RAD54B: variants seen among roughly 807,000 people sequenced by gnomAD.
RAD54B encodes the protein DNA repair and recombination protein RAD54B.
Under a neutral mutation model 95.8 loss-of-function variants are expected in RAD54B, and 78 were observed. The observed-to-expected ratio is 0.81, with a 90% CI of 0.68 to 0.98. The LOEUF (loss-of-function observed/expected upper bound fraction) is 0.98, where lower values mean the gene tolerates loss of function less well. RAD54B is among the 50% of genes least tolerant of loss of function. The pLI, the probability that RAD54B is intolerant of heterozygous loss-of-function variation, is 0.00. For missense variants in RAD54B, 957 were observed against 1,056.6 expected, an observed-to-expected ratio of 0.91 and a Z score of 1.31; for synonymous variants, 328 against 354.9, an observed-to-expected ratio of 0.92 and a Z score of 0.85.
At chr8:94,463,893 C>CAAAAAAAAAAAAAAA (rs553168595) in intron 2 of RAD54B, among the ~76,000 whole-genome samples, 9 of 90,938 alleles carry the variant, frequency 9.9e-5, no homozygotes, top group Non-Finnish European at 1.3e-4. Flanking sequence ...GACCCTATCT[C>CAAAAAAAAAAAAAAA]AAAAAAAAAA....
At chr8:94,418,820 T>C (rs1014128178) in intron 3 of RAD54B, among the ~76,000 whole-genome samples, 1 of 152,200 alleles carries the variant, frequency 6.6e-6, no homozygotes, top group African/African-American at 2.4e-5. Flanking sequence ...TTATATAGGA[T>C]AGTGACAGAC....
intron 14 of RAD54B, among the ~76,000 whole-genome samples, chr8:94,374,363 A>T (rs1810516372): frequency 6.6e-6 from 1 of 151,918 alleles, no homozygotes; most frequent in African/African-American, 2.4e-5. Context: ...TAACCAAAAA[A>T]CCTCTGGCTA....
intron 3 of RAD54B, among the ~76,000 whole-genome samples, chr8:94,427,201 T>C (rs1013644952): frequency 6.6e-6 from 1 of 152,106 alleles, no homozygotes; most frequent in Admixed American, 6.5e-5. Context: ...TATATCCTTT[T>C]AGTTTAAGTT....
At chr8:94,381,129 A>T (rs1326179271) in intron 11 of RAD54B, among the ~76,000 whole-genome samples, 2 of 46,440 alleles carry the variant, frequency 4.3e-5, no homozygotes, top group Non-Finnish European at 1.7e-4. Context: ...CTGTCTTTTA[A>T]AAAAAAAAAT....
chr8:94,465,411 G>C (rs62525072), intron 2 of RAD54B, among the ~76,000 whole-genome samples: 1 of 152,142 alleles, frequency 6.6e-6, no homozygotes, highest in African/African-American at 2.4e-5. Context: ...AAGATGCTCA[G>C]CATTGCTAGT....
At chr8:94,420,211 T>C (rs1385422036) in intron 3 of RAD54B, among the ~76,000 whole-genome samples, 1 of 151,618 alleles carries the variant, frequency 6.6e-6, no homozygotes, top group Non-Finnish European at 1.5e-5. Context: ...TCTAAATCAA[T>C]ATATCGACAT....
At chr8:94,467,791 A>C (rs1586044630) in intron 1 of RAD54B, 1 of 322,032 alleles carries the variant, frequency 3.1e-6, no homozygotes, top group African/African-American at 2.1e-5. Context: ...GTAATAGCTT[A>C]AAATAATGGT....
chr8:94,449,639 C>G (rs953382663), intron 3 of RAD54B, among the ~76,000 whole-genome samples: 8 of 151,018 alleles, frequency 5.3e-5, no homozygotes, highest in Admixed American at 4.0e-4. Flanking sequence ...AGGAAATGGT[C>G]TATACTCTGG....
chr8:94,431,485 T>C (rs1009344891), intron 3 of RAD54B: 11 of 981,860 alleles, frequency 1.1e-5, no homozygotes, highest in Non-Finnish European at 1.3e-5. Context: ...GGATATTTAC[T>C]TCTATCGAAT....
intron 8 of RAD54B, among the ~76,000 whole-genome samples, 164 bp downstream of exon 8, chr8:94,399,250 T>C (rs574354178): frequency 1.3e-5 from 2 of 152,290 alleles, no homozygotes; most frequent in South Asian, 4.1e-4. Flanking sequence ...AAATTACACA[T>C]GGATTTGAAG....
At chr8:94,384,151 A>T (rs796206849) in intron 11 of RAD54B, among the ~76,000 whole-genome samples, 18 of 151,504 alleles carry the variant, frequency 1.2e-4, no homozygotes, top group African/African-American at 2.9e-4. Context: ...TCTATAAATT[A>T]AAAAAAAAGA....
chr8:94,434,391 A>G (rs1009176478), intron 3 of RAD54B, among the ~76,000 whole-genome samples: 3 of 151,936 alleles, frequency 2.0e-5, no homozygotes, highest in African/African-American at 7.2e-5. Context: ...ACAGAGAAGG[A>G]CTTGAGAATC....
At chr8:94,467,641 G>C in intron 1 of RAD54B, 86 bp from the exon 2 acceptor site, 1 of 1,370,526 alleles carries the variant, frequency 7.3e-7, no homozygotes, top group Non-Finnish European at 9.8e-7. Flanking sequence ...CTACAACTAA[G>C]ATGGAACAGA....
chr8:94,466,144 T>C lies in RAD54B; in HGVS notation c.135+1261A>G, dbSNP rs530323504. ...TGCCACTTAATTGTACACTTAAAAA[T>C]GGTAATGTGGCAAATTTTATGTTAC... On this transcript the variant is annotated intron_variant, in intron 2 of 14. Transcript: ENST00000336148. 5.9e-5 allele frequency among the ~76,000 whole-genome samples: 9 copies of C among 152,234 alleles called. No individual in the cohort carries two copies. In the East Asian group the frequency reaches 1.7e-3, roughly 29 times the overall value.
chr8:94,376,894 ATTTATG>A (rs983773586), intron 14 of RAD54B, among the ~76,000 whole-genome samples: 1 of 151,732 alleles, frequency 6.6e-6, no homozygotes, highest in African/African-American at 2.4e-5. Context: ...TATAAAATAT[ATTTATG>A]TTTATATAAA....
chr8:94,397,709 T>C (rs1319626892), intron 8 of RAD54B, among the ~76,000 whole-genome samples: 2 of 152,158 alleles, frequency 1.3e-5, no homozygotes, highest in African/African-American at 4.8e-5. Flanking sequence ...CTTTTCAGTA[T>C]ATTTTATTTC....
At chr8:94,465,342 G>A (rs1812997909) in intron 2 of RAD54B, among the ~76,000 whole-genome samples, 1 of 151,998 alleles carries the variant, frequency 6.6e-6, no homozygotes, top group Non-Finnish European at 1.5e-5. Context: ...TAAAAACCAG[G>A]CAAAGACCTT....
At chr8:94,386,051 T>C (rs1810883787) in intron 11 of RAD54B, among the ~76,000 whole-genome samples, 1 of 152,230 alleles carries the variant, frequency 6.6e-6, no homozygotes, top group South Asian at 2.1e-4. Flanking sequence ...TTCATATTTA[T>C]ATTTTAGAAA....
At position 94,456,463 on chromosome 8, in the gene RAD54B, T is replaced by C. The variant is rs1812780940; in HGVS notation, c.304+1805A>G. ...TTCAAGAAATACACACTTAAGTGGC[T>C]AGAGGTAAAGTGGCATGATATATGC... On this transcript the variant is annotated intron_variant, in intron 3 of 14. Coordinates refer to ENST00000336148, the MANE Select transcript of RAD54B (RefSeq NM_012415.3). Among the ~76,000 whole-genome samples, 3 of 152,306 alleles carry C rather than the reference T, an allele frequency of 2.0e-5. No homozygotes were observed. In the South Asian group the frequency reaches 6.2e-4, roughly 32 times the overall value.
Sources: gnomAD v4.1 joint callset for allele counts (sites outside exome capture counted in the v4.1 genomes callset) on GRCh38, gnomAD v4.1.1 for gene constraint, MANE v1.5 for transcripts, NCBI Gene and HGNC (gene_info 2026-07-23, HGNC 2026-07-21) for gene names.